Variants in OXCT1 observed in about 807,000 individuals in gnomAD.
The protein encoded by OXCT1 is succinyl-CoA:3-ketoacid coenzyme A transferase 1, mitochondrial.
Under a neutral mutation model 69.6 loss-of-function variants are expected in OXCT1, and 27 were observed. That is an observed-to-expected ratio of 0.39 (90% confidence interval 0.29 to 0.54). The LOEUF is 0.54. Among genes scored for constraint, OXCT1 ranks in the 20% least tolerant of loss-of-function variants. The pLI, the probability that OXCT1 is intolerant of heterozygous loss-of-function variation, is 0.72. For synonymous variants in OXCT1, 202 were observed against 217.8 expected, an observed-to-expected ratio of 0.93 and a Z score of 0.64; for missense variants, 437 against 650.2, an observed-to-expected ratio of 0.67 and a Z score of 3.57.
At chr5:41,830,993 C>A (rs1579830275) in intron 7 of OXCT1, among the ~76,000 whole-genome samples, 1 of 152,158 alleles carries the variant, frequency 6.6e-6, no homozygotes, top group African/African-American at 2.4e-5. Flanking sequence ...TGGTTAAAAT[C>A]TACTGCATTC....
intron 13 of OXCT1, among the ~76,000 whole-genome samples, chr5:41,769,473 G>C (rs1744776452): frequency 6.6e-6 from 1 of 151,386 alleles, no homozygotes; most frequent in Non-Finnish European, 1.5e-5. Flanking sequence ...CCTGTAATCT[G>C]GACATTTTAG....
At chr5:41,780,594 T>G (rs569505208) in intron 13 of OXCT1, among the ~76,000 whole-genome samples, 1 of 152,292 alleles carries the variant, frequency 6.6e-6, no homozygotes, top group South Asian at 2.1e-4. Context: ...GTCTAAGAAT[T>G]TTTTTAAAAT....
rs1744262482 is a variant in OXCT1, at chr5:41,759,831, CAAACAAACAAAAA to C, written c.1338+2267_1338+2279del. Reference sequence around the variant, plus strand: ...CACTTACAGAAAAAACAAAACAAAACAAACAAACAAAAAAAACAGCAAAACAGCAGCACAAGAA... The same window carrying C: ...CACTTACAGAAAAAACAAAACAAAACAAACAGCAAAACAGCAGCACAAGAA... On this transcript the variant is annotated intron_variant, in intron 14 of 16. Coordinates refer to ENST00000196371, the MANE Select transcript of OXCT1 (RefSeq NM_000436.4). Among the ~76,000 whole-genome samples, 3 of 151,930 alleles carry C rather than the reference CAAACAAACAAAAA, an allele frequency of 2.0e-5. No homozygotes were observed. The South Asian group carries it at 6.2e-4, about 31-fold the overall frequency.
intron 14 of OXCT1, among the ~76,000 whole-genome samples, chr5:41,751,414 C>A (rs890843329): frequency 1.3e-5 from 2 of 152,050 alleles, no homozygotes; most frequent in African/African-American, 4.8e-5. Context: ...TTGGCTGTGC[C>A]CTACCAATGG....
intron 13 of OXCT1, among the ~76,000 whole-genome samples, chr5:41,777,590 T>G (rs907561207): frequency 1.3e-5 from 2 of 152,250 alleles, no homozygotes; most frequent in Non-Finnish European, 2.9e-5. Flanking sequence ...TGCACTATTT[T>G]TCTTTCTTAT....
At chr5:41,865,061 G>T (rs1194511721) in intron 1 of OXCT1, among the ~76,000 whole-genome samples, 1 of 152,072 alleles carries the variant, frequency 6.6e-6, no homozygotes, top group African/African-American at 2.4e-5. Flanking sequence ...TTACATTAAG[G>T]TATCCATTCC....
At chr5:41,839,696 A>G (rs1186588018) in intron 7 of OXCT1, among the ~76,000 whole-genome samples, 2 of 152,114 alleles carry the variant, frequency 1.3e-5, no homozygotes, top group Non-Finnish European at 2.9e-5. Context: ...CACATACAAC[A>G]CCTGCCATCA....
At chr5:41,857,044 C>G (rs1012494140) in intron 3 of OXCT1, among the ~76,000 whole-genome samples, 2 of 152,182 alleles carry the variant, frequency 1.3e-5, no homozygotes, top group Admixed American at 6.5e-5. Context: ...AAAACTAACG[C>G]AGCGATCTTT....
intron 6 of OXCT1, among the ~76,000 whole-genome samples, chr5:41,841,273 T>C (rs970840380): frequency 3.3e-5 from 5 of 152,212 alleles, no homozygotes; most frequent in Non-Finnish European, 7.3e-5. Flanking sequence ...CTAGCTCTTT[T>C]GAGCCACCAA....
chr5:41,778,625 G>A (rs1745239447), intron 13 of OXCT1, among the ~76,000 whole-genome samples: 1 of 152,174 alleles, frequency 6.6e-6, no homozygotes. Flanking sequence ...CTGTTCCAAT[G>A]CTGATACCCA....
intron 14 of OXCT1, among the ~76,000 whole-genome samples, chr5:41,755,846 C>T (rs577652504): frequency 6.6e-6 from 1 of 152,100 alleles, no homozygotes; most frequent in Admixed American, 6.6e-5. Context: ...AATATTGGTA[C>T]ACATAAAGGT....
chr5:41,778,591 G>A (rs1298768818), intron 13 of OXCT1, among the ~76,000 whole-genome samples: 1 of 152,148 alleles, frequency 6.6e-6, no homozygotes, highest in African/African-American at 2.4e-5. Flanking sequence ...GCTCTATCTG[G>A]ACCTTAACAA....
intron 2 of OXCT1, 74 bp downstream of exon 2, chr5:41,862,568 G>C (rs1749786136): frequency 2.5e-6 from 2 of 805,478 alleles, no homozygotes; most frequent in East Asian, 2.5e-5. Flanking sequence ...ATACATCTTT[G>C]TCATTGTGAT....
intron 5 of OXCT1, among the ~76,000 whole-genome samples, chr5:41,849,119 G>C (rs1749062031): frequency 6.6e-6 from 1 of 152,022 alleles, no homozygotes; most frequent in African/African-American, 2.4e-5. Context: ...ACAGAAAGAT[G>C]TCTCCAGATG....
chr5:41,820,435 T>G (rs1422509874), intron 7 of OXCT1, among the ~76,000 whole-genome samples: 1 of 152,142 alleles, frequency 6.6e-6, no homozygotes, highest in African/African-American at 2.4e-5. Flanking sequence ...TAATCAGACA[T>G]GCACAAAAAT....
intron 15 of OXCT1, among the ~76,000 whole-genome samples, chr5:41,745,648 G>A (rs1336563271): frequency 6.6e-5 from 10 of 152,042 alleles, no homozygotes; most frequent in African/African-American, 2.2e-4. Context: ...TTGATAGACC[G>A]CTAGCAAGAC....
intron 13 of OXCT1, among the ~76,000 whole-genome samples, chr5:41,785,854 AG>A (rs1745615186): frequency 6.6e-6 from 1 of 152,216 alleles, no homozygotes; most frequent in Non-Finnish European, 1.5e-5. Flanking sequence ...CAACCAAGGA[AG>A]GGGTAAGGGT....
intron 7 of OXCT1, among the ~76,000 whole-genome samples, chr5:41,815,004 A>G (rs1259688505): frequency 6.6e-6 from 1 of 152,106 alleles, no homozygotes; most frequent in Non-Finnish European, 1.5e-5. Context: ...CCTCTCTACA[A>G]TGTCTCATTG....
At chr5:41,839,210 A>T (rs1650789460) in intron 7 of OXCT1, among the ~76,000 whole-genome samples, 2 of 152,224 alleles carry the variant, frequency 1.3e-5, no homozygotes, top group South Asian at 2.1e-4. Context: ...AAATGAGATG[A>T]ACTGAAAAGA....
Sources: allele counts gnomAD v4.1 joint callset (sites outside exome capture counted in the v4.1 genomes callset), GRCh38; gene constraint gnomAD v4.1.1; transcripts MANE v1.5; gene names NCBI Gene and HGNC (gene_info 2026-07-23, HGNC 2026-07-21).